Variants in TMEM163 observed in about 807,000 individuals in gnomAD.
TMEM163 encodes the protein transmembrane protein 163.
Under a neutral mutation model 29.3 loss-of-function variants are expected in TMEM163, and 17 were observed. That is an observed-to-expected ratio of 0.58 (90% confidence interval 0.40 to 0.87). The LOEUF is 0.87. TMEM163 is among the 40% of genes least tolerant of loss of function. TMEM163 has a pLI of 0.00. For synonymous variants in TMEM163, 157 were observed against 160.6 expected, an observed-to-expected ratio of 0.98 and a Z score of 0.17; for missense variants, 303 against 381.5, an observed-to-expected ratio of 0.79 and a Z score of 1.71.
At chr2:134,698,237 G>A (rs1255284471) in intron 2 of TMEM163, among the ~76,000 whole-genome samples, 1 of 152,216 alleles carries the variant, frequency 6.6e-6, no homozygotes, top group East Asian at 1.9e-4. Flanking sequence ...AGGGAAGGGA[G>A]GGGGTGCAAA....
Position 134,539,144 on chromosome 2 carries a change from A to G in TMEM163, c.458+11426T>C, listed in dbSNP as rs75933225. 5.5e-3 allele frequency among the ~76,000 whole-genome samples: 840 copies of G among 152,346 alleles called. 10 individuals carry two copies. Among genetic ancestry groups the G allele is most frequent in the African/African-American group, 0.019 (796 of 41,578 alleles). ...CATGTGTTTCTTATAACGATCTTACAAAGTGGGTAGGAACGATGATAAGCC... is the reference window on the plus strand; with the variant it reads ...CATGTGTTTCTTATAACGATCTTACGAAGTGGGTAGGAACGATGATAAGCC... On this transcript the variant is annotated intron_variant, in intron 4 of 7. Transcript: ENST00000281924.
chr2:134,634,521 G>A (rs1046385605), intron 2 of TMEM163, among the ~76,000 whole-genome samples: 2 of 152,168 alleles, frequency 1.3e-5, no homozygotes, highest in African/African-American at 4.8e-5. Context: ...AGAAGGATGG[G>A]GCTGCACATC....
At chr2:134,591,938 T>C (rs1263127041) in intron 2 of TMEM163, among the ~76,000 whole-genome samples, 1 of 147,622 alleles carries the variant, frequency 6.8e-6, no homozygotes, top group African/African-American at 2.5e-5. Context: ...CTGTAAAATA[T>C]GTAAAGAGAT....
At chr2:134,565,056 A>G (rs1288398105) in intron 2 of TMEM163, among the ~76,000 whole-genome samples, 1 of 145,630 alleles carries the variant, frequency 6.9e-6, no homozygotes. Context: ...TGGGCAACAT[A>G]GTGAAACCTG....
At chr2:134,500,238 T>C (rs1679668888) in intron 5 of TMEM163, among the ~76,000 whole-genome samples, 1 of 152,226 alleles carries the variant, frequency 6.6e-6, no homozygotes, top group South Asian at 2.1e-4. Context: ...TGAAGCATTG[T>C]GAATAAATGC....
chr2:134,634,302 A>G (rs1400691493), intron 2 of TMEM163, among the ~76,000 whole-genome samples: 1 of 152,124 alleles, frequency 6.6e-6, no homozygotes, highest in Admixed American at 6.5e-5. Flanking sequence ...GCATCTGCCA[A>G]TTATGAGACA....
At chr2:134,585,656 G>A (rs1238226275) in intron 2 of TMEM163, among the ~76,000 whole-genome samples, 4 of 152,000 alleles carry the variant, frequency 2.6e-5, no homozygotes, top group Admixed American at 2.0e-4. Flanking sequence ...GCAGGAGGAT[G>A]GCGTGAACCC....
chr2:134,688,408 T>C (rs537533889), intron 2 of TMEM163, among the ~76,000 whole-genome samples: 15 of 152,102 alleles, frequency 9.9e-5, no homozygotes, highest in Non-Finnish European at 1.9e-4. Flanking sequence ...ACATAAAAAG[T>C]CAATAATCGA....
At chr2:134,521,065 C>A (rs1297079497) in intron 4 of TMEM163, among the ~76,000 whole-genome samples, 2 of 151,322 alleles carry the variant, frequency 1.3e-5, no homozygotes, top group East Asian at 3.9e-4. Context: ...GTGGCACAAT[C>A]TCGGCTCACT....
intron 2 of TMEM163, among the ~76,000 whole-genome samples, chr2:134,623,551 T>C (rs990046373): frequency 6.6e-6 from 1 of 152,094 alleles, no homozygotes; most frequent in Non-Finnish European, 1.5e-5. Flanking sequence ...GCAGATCACA[T>C]GAGGTCGGGA....
intron 2 of TMEM163, among the ~76,000 whole-genome samples, chr2:134,611,725 G>T (rs1682507338): frequency 6.6e-6 from 1 of 152,180 alleles, no homozygotes; most frequent in Non-Finnish European, 1.5e-5. Flanking sequence ...AGGAGACCTG[G>T]TACAGTGGAC....
intron 2 of TMEM163, among the ~76,000 whole-genome samples, chr2:134,632,652 G>A (rs79942313): frequency 6.6e-6 from 1 of 152,104 alleles, no homozygotes; most frequent in African/African-American, 2.4e-5. Flanking sequence ...GGAGAGGGGC[G>A]CTGCCTTCAA....
At chr2:134,545,854 T>A (rs1242754246) in intron 4 of TMEM163, among the ~76,000 whole-genome samples, 1 of 152,254 alleles carries the variant, frequency 6.6e-6, no homozygotes. Flanking sequence ...AGGCTTCTCA[T>A]CTTCTAATCA....
intron 4 of TMEM163, among the ~76,000 whole-genome samples, chr2:134,538,190 C>A (rs1680581745): frequency 6.6e-6 from 1 of 152,146 alleles, no homozygotes; most frequent in South Asian, 2.1e-4. Context: ...GACTAGGTCA[C>A]GGGGCCAGAG....
intron 2 of TMEM163, among the ~76,000 whole-genome samples, chr2:134,611,741 G>T (rs1221112564): frequency 6.6e-6 from 1 of 152,184 alleles, no homozygotes; most frequent in East Asian, 1.9e-4. Context: ...TGGACTCTTT[G>T]CTTTCCATTT....
chr2:134,466,096 C>T lies in TMEM163; in HGVS notation c.667+18G>A. 6.3e-7 allele frequency: 1 copy of T among 1,586,834 alleles called. No homozygotes were observed. The highest frequency in any genetic ancestry group is 8.6e-7 in the Non-Finnish European group (1 of 1,160,040). On this transcript the variant is annotated intron_variant, in intron 6 of 7. Transcript: ENST00000281924. ...GTGAGCCCAGCCCCCAGAGATTAGG[C>T]ACCCTGGCCTTACTCACCATCTGTT...
At chr2:134,510,612 G>A (rs1456244778) in intron 4 of TMEM163, among the ~76,000 whole-genome samples, 1 of 152,156 alleles carries the variant, frequency 6.6e-6, no homozygotes, top group East Asian at 1.9e-4. Context: ...GTGACTGACT[G>A]GACACAGGCA....
At chr2:134,706,645 T>G (rs1445295885) in intron 2 of TMEM163, among the ~76,000 whole-genome samples, 1 of 151,494 alleles carries the variant, frequency 6.6e-6, no homozygotes. Context: ...AGCATGGAGG[T>G]CAGAAACCAA....
chr2:134,552,492 G>T (rs2106508155), intron 2 of TMEM163, among the ~76,000 whole-genome samples: 1 of 152,090 alleles, frequency 6.6e-6, no homozygotes, highest in African/African-American at 2.4e-5. Flanking sequence ...CCATTGCTAA[G>T]ATAGATGAAA....
Sources: allele counts gnomAD v4.1 joint callset (sites outside exome capture counted in the v4.1 genomes callset), GRCh38; gene constraint gnomAD v4.1.1; transcripts MANE v1.5; gene names NCBI Gene and HGNC (gene_info 2026-07-23, HGNC 2026-07-21).